The following KDM5D variants were observed in gnomAD, a reference collection of about 807,000 sequenced individuals.
The protein encoded by KDM5D is lysine demethylase 5D.
KDM5D carries 25 observed loss-of-function variants against 31.9 expected under a neutral mutation model. The observed-to-expected ratio is 0.78, with a 90% CI of 0.57 to 1.09. The LOEUF is 1.09. Among genes scored for constraint, KDM5D ranks in the 50% least tolerant of loss-of-function variants. KDM5D has a pLI of 0.00. For missense variants in KDM5D, 366 were observed against 341.6 expected, an observed-to-expected ratio of 1.07 and a Z score of -0.56; for synonymous variants, 146 against 122.3, an observed-to-expected ratio of 1.19 and a Z score of -1.28.
chrY:19,738,385 T>C (rs2124217670), intron 6 of KDM5D, among the ~76,000 whole-genome samples: 2 of 33,564 alleles, frequency 6.0e-5, no homozygotes, highest in East Asian at 1.6e-3. Flanking sequence ...ATAAAATTTC[T>C]CACTTTGGTC....
intron 11 of KDM5D, among the ~76,000 whole-genome samples, chrY:19,727,828 A>G (rs2045444565): frequency 3.0e-5 from 1 of 33,292 alleles, no homozygotes; most frequent in Admixed American, 2.8e-4. Flanking sequence ...AAAACATAAC[A>G]TTAAAAATTA....
chrY:19,725,451 A>G (rs924957631), intron 11 of KDM5D, among the ~76,000 whole-genome samples: 3 of 33,359 alleles, frequency 9.0e-5, no homozygotes, highest in African/African-American at 3.5e-4. Context: ...GACACAAACA[A>G]GCAATGGGCT....
Position 19,731,898 on chromosome Y carries a change from G to A in KDM5D, c.1245C>T (p.Phe415=). Residue 415 remains phenylalanine (F), a synonymous_variant, in exon 11 of 27, where the codon TTC becomes TTT. Coordinates refer to ENST00000317961, the MANE Select transcript of KDM5D (RefSeq NM_004653.5). Reference sequence around the variant, plus strand: ...CCTCAATGCTGCTCACCAGCCTCCAGAATTCCTTCTCTACAAGTTCTGTAG... The same window carrying A: ...CCTCAATGCTGCTCACCAGCCTCCAAAATTCCTTCTCTACAAGTTCTGTAG... ...MVPTELVEKE[F]WRLVSSIEED... 2.5e-6 allele frequency: 1 copy of A among 395,869 alleles called. No individual in the cohort carries two copies. Among genetic ancestry groups the A allele is most frequent in the Non-Finnish European group, 3.5e-6 (1 of 282,479 alleles).
Position 19,707,766 on chromosome Y carries a change from G to A in KDM5D, c.3400-20C>T, listed in dbSNP as rs1442529143. 2 of 392,905 alleles carry A rather than the reference G, an allele frequency of 5.1e-6. No individual in the cohort carries two copies. Among genetic ancestry groups the A allele is most frequent in the African/African-American group, 1.3e-4 (2 of 15,596 alleles). On this transcript the variant is annotated intron_variant, in intron 23 of 26. Coordinates refer to ENST00000317961, the MANE Select transcript of KDM5D (RefSeq NM_004653.5). ...CACAATCTGCCATATCCAGAAGAGG[G>A]GGAAAGTAGGTCAGCAGTCCACCCT...
At position 19,741,381 on chromosome Y, in the gene KDM5D, T is replaced by C. The variant is rs778392201; in HGVS notation, c.459A>G (p.Leu153=). The C allele has an allele frequency of 2.5e-6, 1 of 395,898 alleles. No homozygotes were observed. Among genetic ancestry groups the C allele is most frequent in the Non-Finnish European group, 3.5e-6 (1 of 282,189 alleles). ...YPPGKNIGSL[L]RSHYERIIYP... ...AAATAATGCGTTCGTAATGTGATCG[T>C]AGCAGGGAGCCAATGTTTTTGCCTG... The change falls in exon 5 of 27, where the codon CTA becomes CTG. Residue 153 remains leucine (L), a synonymous_variant. Coordinates refer to ENST00000317961, the MANE Select transcript of KDM5D (RefSeq NM_004653.5).
intron 12 of KDM5D, 23 bp from the exon 13 acceptor site, chrY:19,721,057 C>T (rs2045388509): frequency 2.5e-6 from 1 of 394,256 alleles, no homozygotes; most frequent in Admixed American, 7.6e-5. Context: ...ACAGAAGACA[C>T]GTCAAGTCTA....
At chrY:19,730,671 T>C (rs1603545960) in intron 11 of KDM5D, among the ~76,000 whole-genome samples, 1 of 30,347 alleles carries the variant, frequency 3.3e-5, no homozygotes, top group Non-Finnish European at 7.7e-5. Flanking sequence ...GAGGTAAATT[T>C]TGTCCTTTTT....
Position 19,704,618 on chromosome Y carries a change from C to T in KDM5D, c.*1377G>A, listed in dbSNP as rs970003056. ...GCATGAGAAATGCTATGGGTAATAA[C>T]GTGTTCTACACTGACTCAAGTCAGC... is the stretch of plus-strand genomic sequence containing the variant. On this transcript the variant is annotated 3_prime_UTR_variant, in exon 27 of 27. Transcript: ENST00000317961. The T allele has an allele frequency of 6.1e-5, 2 of 32,985 alleles. No individual in the cohort carries two copies. The highest frequency in any genetic ancestry group is 2.8e-4 in the Admixed American group (1 of 3,589). 8.2% of individuals were successfully genotyped at this position (32,985 alleles called of 400,897 possible).
At chrY:19,724,821 T>A in intron 11 of KDM5D, among the ~76,000 whole-genome samples, 3 of 33,271 alleles carry the variant, frequency 9.0e-5, no homozygotes, top group African/African-American at 3.5e-4. Flanking sequence ...GAAAACCCCA[T>A]CGTCTCAGCC....
intron 18 of KDM5D, among the ~76,000 whole-genome samples, chrY:19,713,303 G>A: frequency 8.9e-5 from 3 of 33,695 alleles, no homozygotes; most frequent in Admixed American, 5.4e-4. Context: ...AAATTGACAC[G>A]AGTCCTAATT....
At chrY:19,735,775 C>T (rs920942008) in intron 6 of KDM5D, 25 bp from the exon 7 acceptor site, 1 of 338,996 alleles carries the variant, frequency 2.9e-6, no homozygotes, top group South Asian at 3.1e-5. Context: ...ATTCAAACAA[C>T]GAAGTTAGCT....
At chrY:19,742,968 C>T (rs2045564648) in intron 3 of KDM5D, among the ~76,000 whole-genome samples, 194 bp downstream of exon 3, 1 of 34,015 alleles carries the variant, frequency 2.9e-5, no homozygotes, top group Admixed American at 2.7e-4. Context: ...CCTTTGTGTT[C>T]TACCATTTTT....
Position 19,739,588 on chromosome Y carries a change from C to T in KDM5D, c.597G>A (p.Gln199=). 2.5e-6 allele frequency: 1 copy of T among 396,056 alleles called. No homozygotes were observed. Among genetic ancestry groups the T allele is most frequent in the Non-Finnish European group, 3.6e-6 (1 of 281,611 alleles). Residue 199 remains glutamine (Q), a synonymous_variant, in exon 6 of 27, where the codon CAG becomes CAA. Transcript: ENST00000317961. The stretch of plus-strand genomic sequence containing the variant: ...TGCTGAACTTTGAAGGCTGCACAGA[C>T]TGTCTAAGGGGGATGCTGTGGGGCT... ...EYKPHSIPLR[Q]SVQPSKFSSY...
intron 18 of KDM5D, among the ~76,000 whole-genome samples, chrY:19,713,536 T>C (rs2045314296): frequency 3.0e-5 from 1 of 33,243 alleles, no homozygotes; most frequent in African/African-American, 1.2e-4. Flanking sequence ...CCAACAGATA[T>C]ATGAAAAAAA....
intron 13 of KDM5D, among the ~76,000 whole-genome samples, chrY:19,717,400 G>A: frequency 6.1e-5 from 2 of 32,682 alleles, no homozygotes; most frequent in African/African-American, 1.2e-4. Flanking sequence ...CTGACAGTTC[G>A]CTTAGAAGAC....
chrY:19,721,838 A>G, intron 11 of KDM5D: 1 of 34,086 alleles, frequency 2.9e-5, no homozygotes, highest in African/African-American at 1.2e-4. Context: ...ACTACACTGC[A>G]AACTATACAA....
At chrY:19,743,834 T>C (rs2045577506) in intron 2 of KDM5D, among the ~76,000 whole-genome samples, 1 of 34,164 alleles carries the variant, frequency 2.9e-5, no homozygotes, top group African/African-American at 1.1e-4. Context: ...TCAGTTTACA[T>C]TCTTAATTCA....
intron 2 of KDM5D, 23 bp downstream of exon 2, chrY:19,744,362 C>A: frequency 2.6e-6 from 1 of 382,296 alleles, no homozygotes; most frequent in South Asian, 3.2e-5. Flanking sequence ...TACCCATTCC[C>A]AAATTTTGTT....
At chrY:19,743,756 C>T (rs2045576486) in intron 2 of KDM5D, among the ~76,000 whole-genome samples, 1 of 33,976 alleles carries the variant, frequency 2.9e-5, no homozygotes, top group Non-Finnish European at 7.3e-5. Flanking sequence ...AAGCTGTATG[C>T]TCTGCGAAAA....
Sources: gnomAD v4.1 joint callset for allele counts (sites outside exome capture counted in the v4.1 genomes callset) on GRCh38, gnomAD v4.1.1 for gene constraint, MANE v1.5 for transcripts, NCBI Gene and HGNC (gene_info 2026-07-23, HGNC 2026-07-21) for gene names.